The following PRRX1 variants were observed in gnomAD, a reference collection of about 807,000 sequenced individuals.
PRRX1 encodes paired mesoderm homeobox protein 1.
Under a neutral mutation model 24.0 loss-of-function variants are expected in PRRX1, and 8 were observed. The ratio of observed to expected loss-of-function variants is 0.33; its 90% CI spans 0.20 to 0.60. The LOEUF is 0.60. Ranked by LOEUF, PRRX1 falls within the 20% of genes least tolerant of loss-of-function variation. The pLI, the probability that PRRX1 is intolerant of heterozygous loss-of-function variation, is 0.82. For synonymous variants in PRRX1, 160 were observed against 131.7 expected (o/e 1.22, Z -1.47); for missense variants, 281 against 322.4 (o/e 0.87, Z 0.98).
intron 1 of PRRX1, among the ~76,000 whole-genome samples, chr1:170,681,817 C>A (rs939479222): frequency 1.3e-5 from 2 of 152,202 alleles, no homozygotes; most frequent in Non-Finnish European, 2.9e-5. Flanking sequence ...TGGAACCAAG[C>A]TCCTAATTTG....
At chr1:170,685,724 A>G (rs1271085821) in intron 1 of PRRX1, among the ~76,000 whole-genome samples, 2 of 151,884 alleles carry the variant, frequency 1.3e-5, no homozygotes, top group Admixed American at 6.6e-5. Context: ...AAAGTTATAC[A>G]TGGTTTGAAG....
At chr1:170,686,107 T>A (rs534235752) in intron 1 of PRRX1, among the ~76,000 whole-genome samples, 1 of 139,850 alleles carries the variant, frequency 7.2e-6, no homozygotes. Flanking sequence ...TCACCAGCAT[T>A]AAGCTCACTT....
At chr1:170,725,553 A>C (rs1019113099) in intron 2 of PRRX1, among the ~76,000 whole-genome samples, 23 of 152,186 alleles carry the variant, frequency 1.5e-4, no homozygotes, top group African/African-American at 5.3e-4. Flanking sequence ...TATCACCTCC[A>C]AGAGGGATAA....
intron 1 of PRRX1, 144 bp downstream of exon 1, chr1:170,664,603 A>T: frequency 7.6e-7 from 1 of 1,317,052 alleles, no homozygotes; most frequent in East Asian, 2.5e-5. Context: ...AGGAAGGGCC[A>T]GTCACAGGGG....
At chr1:170,725,679 T>A (rs999153603) in intron 2 of PRRX1, among the ~76,000 whole-genome samples, 2 of 152,208 alleles carry the variant, frequency 1.3e-5, no homozygotes, top group Non-Finnish European at 2.9e-5. Context: ...TTCATCTCTG[T>A]TACTTCCTTG....
In PRRX1 at chr1:170,683,209, G is replaced by C. The variant is rs543441562; in HGVS notation, c.241+18750G>C. On this transcript the variant is annotated intron_variant, in intron 1 of 3. Coordinates refer to ENST00000239461, the MANE Select transcript of PRRX1 (RefSeq NM_022716.4). ...ACTGCTTTATGGAGAATGGATATTA[G>C]AGGAAGAAGGAGAAGCAGTTAGGAG... 2.0e-5 allele frequency among the ~76,000 whole-genome samples: 3 copies of C among 152,298 alleles called. No homozygotes were observed. In the East Asian group the frequency reaches 5.8e-4, roughly 29 times the overall value.
intron 1 of PRRX1, among the ~76,000 whole-genome samples, chr1:170,699,431 A>G (rs927702236): frequency 6.6e-5 from 10 of 151,888 alleles, no homozygotes; most frequent in African/African-American, 2.4e-4. Flanking sequence ...TGTCCCATTC[A>G]TGAGCTCTAG....
intron 1 of PRRX1, among the ~76,000 whole-genome samples, chr1:170,683,275 A>C (rs919856550): frequency 5.3e-5 from 8 of 152,200 alleles, no homozygotes; most frequent in Non-Finnish European, 1.0e-4. Flanking sequence ...GGTGTCTTGA[A>C]CTGGCTGTAT....
chr1:170,674,093 T>C (rs1403219208), intron 1 of PRRX1, among the ~76,000 whole-genome samples: 1 of 152,248 alleles, frequency 6.6e-6, no homozygotes, highest in Non-Finnish European at 1.5e-5. Context: ...TCACTTTTCA[T>C]TCTTTACATC....
At chr1:170,674,352 T>C (rs1259143892) in intron 1 of PRRX1, among the ~76,000 whole-genome samples, 1 of 152,220 alleles carries the variant, frequency 6.6e-6, no homozygotes, top group Non-Finnish European at 1.5e-5. Flanking sequence ...TCTGGTCTCA[T>C]TTTGGCTTCT....
At chr1:170,704,297 CAATTAAGTTGCTCTCTCATGG>C (rs1654491322) in intron 1 of PRRX1, among the ~76,000 whole-genome samples, 2 of 152,182 alleles carry the variant, frequency 1.3e-5, no homozygotes, top group African/African-American at 4.8e-5. Flanking sequence ...GTTATGAACA[CAATTAAGTTGCTCTCTCATGG>C]AATTCTGTTC....
intron 1 of PRRX1, among the ~76,000 whole-genome samples, chr1:170,677,177 A>G (rs181565661): frequency 5.9e-5 from 9 of 152,360 alleles, no homozygotes; most frequent in African/African-American, 1.7e-4. Context: ...TGTTGGATTC[A>G]GAAAATTCTG....
chr1:170,730,162 T>A, intron 3 of PRRX1: 1 of 903,462 alleles, frequency 1.1e-6, no homozygotes, highest in South Asian at 1.3e-5. Context: ...GCTATCCTTG[T>A]CCACAGCTTC....
At chr1:170,701,935 G>GAAC (rs947042095) in intron 1 of PRRX1, among the ~76,000 whole-genome samples, 3 of 151,322 alleles carry the variant, frequency 2.0e-5, no homozygotes, top group Admixed American at 2.0e-4. Flanking sequence ...TAGCACTATA[G>GAAC]AACAACAGTC....
chr1:170,728,672 A>C (rs941273489), intron 3 of PRRX1: 1 of 152,214 alleles, frequency 6.6e-6, no homozygotes, highest in Non-Finnish European at 1.5e-5. Flanking sequence ...TAAGCAGAAA[A>C]GTGATGTTAA....
chr1:170,668,123 T>A (rs1653013743), intron 1 of PRRX1: 1 of 152,208 alleles, frequency 6.6e-6, no homozygotes, highest in African/African-American at 2.4e-5. Context: ...ATACATTAAG[T>A]GTTCAAAGAA....
intron 1 of PRRX1, among the ~76,000 whole-genome samples, chr1:170,692,760 CACAG>C (rs1654037425): frequency 6.6e-6 from 1 of 151,778 alleles, no homozygotes; most frequent in South Asian, 2.1e-4. Context: ...CACACACACA[CACAG>C]ACACACGTGC....
chr1:170,701,589 T>A (rs1654361229), intron 1 of PRRX1, among the ~76,000 whole-genome samples: 1 of 151,604 alleles, frequency 6.6e-6, no homozygotes, highest in South Asian at 2.1e-4. Context: ...TTCCAAAAAC[T>A]ATTAAGAAGT....
chr1:170,731,736 A>G (rs754216999), intron 3 of PRRX1, among the ~76,000 whole-genome samples: 2 of 152,170 alleles, frequency 1.3e-5, no homozygotes, highest in Non-Finnish European at 2.9e-5. Flanking sequence ...TCTGCTCTCT[A>G]TGGCTGTGTT....
Sources: allele counts gnomAD v4.1 joint callset (sites outside exome capture counted in the v4.1 genomes callset), GRCh38; gene constraint gnomAD v4.1.1; transcripts MANE v1.5; gene names NCBI Gene and HGNC (gene_info 2026-07-23, HGNC 2026-07-21).